Variants in NRXN3 observed in about 807,000 individuals in gnomAD.
NRXN3 encodes the protein neurexin III.
NRXN3 carries 32 observed loss-of-function variants against 137.6 expected under a neutral mutation model. That is an observed-to-expected ratio of 0.23 (90% confidence interval 0.18 to 0.31). The LOEUF is 0.31. NRXN3 is among the 10% of genes least tolerant of loss of function. The pLI is 1.00. For synonymous variants in NRXN3, 798 were observed against 784.5 expected (o/e 1.02, Z -0.29); for missense variants, 1,574 against 2,062.5 (o/e 0.76, Z 4.59).
chr14:79,723,351 CCT>C (rs1171402900), intron 19 of NRXN3, among the ~76,000 whole-genome samples: 2 of 152,052 alleles, frequency 1.3e-5, no homozygotes, highest in South Asian at 2.1e-4. Context: ...ACTCCATTTC[CCT>C]CTCTGGTGCT....
intron 6 of NRXN3, among the ~76,000 whole-genome samples, chr14:78,690,305 G>A (rs2152768200): frequency 6.6e-6 from 1 of 152,316 alleles, no homozygotes; most frequent in East Asian, 1.9e-4. Flanking sequence ...GTAGATTGAA[G>A]GAGGGAGACA....
At chr14:78,720,712 A>G (rs1595146431) in intron 8 of NRXN3, among the ~76,000 whole-genome samples, 1 of 152,334 alleles carries the variant, frequency 6.6e-6, no homozygotes, top group Non-Finnish European at 1.5e-5. Context: ...TATAGCATGT[A>G]GTATATGATT....
chr14:78,656,832 G>T (rs1450793942), intron 6 of NRXN3, among the ~76,000 whole-genome samples: 1 of 151,882 alleles, frequency 6.6e-6, no homozygotes, highest in African/African-American at 2.4e-5. Flanking sequence ...TCACGAGGTC[G>T]GGAGATTGAT....
chr14:79,584,302 T>C (rs1314633234), intron 16 of NRXN3, among the ~76,000 whole-genome samples: 4 of 152,186 alleles, frequency 2.6e-5, no homozygotes, highest in African/African-American at 9.7e-5. Context: ...AAGGATATTA[T>C]GTCAATCCCA....
intron 15 of NRXN3, among the ~76,000 whole-genome samples, chr14:79,207,601 A>G (rs2066974317): frequency 6.6e-6 from 1 of 152,206 alleles, no homozygotes. Context: ...AGCATGTGGC[A>G]TAAGGGAAAT....
chr14:79,710,933 G>T (rs368642533), intron 19 of NRXN3, among the ~76,000 whole-genome samples: 1 of 152,132 alleles, frequency 6.6e-6, no homozygotes, highest in Non-Finnish European at 1.5e-5. Context: ...GACTACAAGC[G>T]GACTCACTTG....
intron 20 of NRXN3, among the ~76,000 whole-genome samples, chr14:79,825,351 T>C (rs1294453330): frequency 6.6e-6 from 1 of 152,198 alleles, no homozygotes; most frequent in Non-Finnish European, 1.5e-5. Flanking sequence ...TGCTGACTTC[T>C]TCCTCTACTC....
At chr14:79,211,836 CT>C (rs1354639802) in intron 15 of NRXN3, among the ~76,000 whole-genome samples, 1 of 152,062 alleles carries the variant, frequency 6.6e-6, no homozygotes, top group African/African-American at 2.4e-5. Context: ...ATGATAAACA[CT>C]TTTTAAAGAT....
intron 19 of NRXN3, among the ~76,000 whole-genome samples, chr14:79,700,367 C>T (rs8022382): frequency 0.28 from 43,052 of 151,944 alleles, 6,861 homozygotes; most frequent in Admixed American, 0.47. Flanking sequence ...TCACCGGGCC[C>T]ATTATTCACT....
chr14:78,199,852 G>A (rs1269653912), intron 1 of NRXN3, among the ~76,000 whole-genome samples: 8 of 152,274 alleles, frequency 5.3e-5, no homozygotes, highest in East Asian at 1.9e-4. Flanking sequence ...CCAACCTGCC[G>A]TGAGCCAGGG....
At chr14:79,420,011 G>C (rs1447805003) in intron 15 of NRXN3, among the ~76,000 whole-genome samples, 3 of 152,092 alleles carry the variant, frequency 2.0e-5, no homozygotes, top group Non-Finnish European at 4.4e-5. Flanking sequence ...TCATTAATCA[G>C]CCTAACTCTA....
intron 14 of NRXN3, among the ~76,000 whole-genome samples, chr14:78,984,016 T>G (rs1450862025): frequency 6.6e-6 from 1 of 151,178 alleles, no homozygotes. Flanking sequence ...CTAAGAAATT[T>G]GAACTCATAG....
chr14:78,894,023 A>G (rs1335103721), intron 10 of NRXN3, among the ~76,000 whole-genome samples: 1 of 151,978 alleles, frequency 6.6e-6, no homozygotes, highest in African/African-American at 2.4e-5. Flanking sequence ...ACAGTGGGTC[A>G]TAATCTTCTT....
chr14:79,320,969 T>G (rs1174616641), intron 15 of NRXN3, among the ~76,000 whole-genome samples: 1 of 152,180 alleles, frequency 6.6e-6, no homozygotes, highest in African/African-American at 2.4e-5. Flanking sequence ...AATAAATGTT[T>G]GTTGAATGAA....
chr14:78,380,958 G>A lies in NRXN3; in HGVS notation c.757+83098G>A, dbSNP rs530583721. Among the ~76,000 whole-genome samples, 20 of 152,208 alleles carry A rather than the reference G, an allele frequency of 1.3e-4. No individual in the cohort carries two copies. The South Asian group carries it at 3.5e-3, about 27-fold the overall frequency. ...CAAGACTGTGTGTTACTGGTAAAGG[G>A]ATAGACACACCGATGAACAGAAGAT... On this transcript the variant is annotated intron_variant, in intron 4 of 20. Transcript: ENST00000335750.
intron 15 of NRXN3, among the ~76,000 whole-genome samples, chr14:79,031,845 C>A (rs1200901554): frequency 6.6e-6 from 1 of 152,092 alleles, no homozygotes; most frequent in Non-Finnish European, 1.5e-5. Context: ...AAATTATCTC[C>A]AGTTTTTGTT....
At chr14:79,611,071 AAC>A (rs1305066412) in intron 16 of NRXN3, among the ~76,000 whole-genome samples, 2 of 152,194 alleles carry the variant, frequency 1.3e-5, no homozygotes, top group Admixed American at 1.3e-4. Flanking sequence ...GGAATGCGTC[AAC>A]TTTTGGAAAG....
At chr14:78,583,954 G>A (rs563507206) in intron 4 of NRXN3, among the ~76,000 whole-genome samples, 40 of 152,224 alleles carry the variant, frequency 2.6e-4, no homozygotes, top group African/African-American at 7.9e-4. Context: ...GCCAGCCACC[G>A]TTCTAAGAAC....
At chr14:78,644,674 T>C (rs1047346677) in intron 4 of NRXN3, among the ~76,000 whole-genome samples, 4 of 152,174 alleles carry the variant, frequency 2.6e-5, no homozygotes, top group African/African-American at 7.2e-5. Context: ...GGGTAATTTA[T>C]TTTTAGTTAT....
Sources: allele counts gnomAD v4.1 joint callset (sites outside exome capture counted in the v4.1 genomes callset), GRCh38; gene constraint gnomAD v4.1.1; transcripts MANE v1.5; gene names NCBI Gene and HGNC (gene_info 2026-07-23, HGNC 2026-07-21).